Variants in DNAH8 observed in about 807,000 individuals in gnomAD.
DNAH8 encodes the protein dynein axonemal heavy chain 8, also known as axonemal beta dynein heavy chain 8.
Under a neutral mutation model 562.1 loss-of-function variants are expected in DNAH8, and 382 were observed. The observed-to-expected ratio is 0.68, with a 90% CI of 0.63 to 0.74. DNAH8 has a LOEUF of 0.74. Among genes scored for constraint, DNAH8 ranks in the 30% least tolerant of loss-of-function variants. The probability of loss-of-function intolerance (pLI) is 0.00; values close to 1 mark genes in which losing one functional copy is unlikely to be tolerated. For synonymous variants in DNAH8, 1,881 were observed against 1,919.4 expected (o/e 0.98, Z 0.52); for missense variants, 5,203 against 5,620.4 (o/e 0.93, Z 2.37).
chr6:38,734,495 G>C lies in DNAH8; in HGVS notation c.632G>C (p.Gly211Ala). 6.2e-7 allele frequency: 1 copy of C among 1,613,760 alleles called. No homozygotes were observed. Among genetic ancestry groups the C allele is most frequent in the African/African-American group, 1.3e-5 (1 of 74,988 alleles). Residue 211 changes from glycine (G) to alanine (A), a missense_variant, in exon 5 of 93, where the codon GGA becomes GCA. Physicochemically the swap from Gly to Ala is moderately conservative, Grantham distance 60. Coordinates refer to ENST00000327475, the MANE Select transcript of DNAH8 (RefSeq NM_001206927.2). The part of the protein sequence containing the change: ...PGIECGRTIA[G>A]ATKGAKMMKL... The stretch of plus-strand genomic sequence containing the variant: ...TCAGAATGTGGTCGAACTATTGCTG[G>C]AGCAACTAAAGGGGCAAAAATGATG...
intron 91 of DNAH8, among the ~76,000 whole-genome samples, chr6:39,015,403 C>G (rs1178072228): frequency 6.6e-6 from 1 of 152,212 alleles, no homozygotes; most frequent in East Asian, 1.9e-4. Context: ...TGGTTTGGCT[C>G]TGCGTCCCCA....
chr6:38,734,482 C>A lies in DNAH8; in HGVS notation c.619C>A (p.Arg207=). ...TTGACTTTTGTTTTCAGAATGTGGT[C>A]GAACTATTGCTGGAGCAACTAAAGG... ...EGDVPGIECG[R]TIAGATKGAK... Residue 207 remains arginine, a synonymous_variant, in exon 5 of 93, where the codon CGA becomes AGA. Coordinates refer to ENST00000327475, the MANE Select transcript of DNAH8 (RefSeq NM_001206927.2). 1 of 1,613,414 alleles carries A rather than the reference C, an allele frequency of 6.2e-7. No homozygotes were observed. The highest frequency in any genetic ancestry group is 1.1e-5 in the South Asian group (1 of 90,942).
rs1651367113 is a variant in DNAH8, at chr6:39,014,816, C to T, written c.13714+2179C>T. Among the ~76,000 whole-genome samples, 4 of 152,082 alleles carry T rather than the reference C, an allele frequency of 2.6e-5. No homozygotes were observed. The South Asian group carries it at 8.3e-4, about 32-fold the overall frequency. On this transcript the variant is annotated intron_variant, in intron 91 of 92. Coordinates refer to ENST00000327475, the MANE Select transcript of DNAH8 (RefSeq NM_001206927.2). ...GGAATGAGGCTGGAGTATGAAAAAT[C>T]TTCCGGGGCCTCAGGGGTTGGGGCT...
At chr6:38,797,488 C>T (rs1286040199) in intron 21 of DNAH8, among the ~76,000 whole-genome samples, 1 of 152,152 alleles carries the variant, frequency 6.6e-6, no homozygotes, top group Non-Finnish European at 1.5e-5. Flanking sequence ...CTGTAAGCTT[C>T]CCTGTGTCCT....
At position 38,722,863 on chromosome 6, in the gene DNAH8, C is replaced by T; in HGVS notation, c.54C>T (p.Pro18=). Residue 18 remains proline (P), a synonymous_variant, in exon 2 of 93, where the codon CCC becomes CCT. Transcript: ENST00000327475. ...GAPSEGAEAP[P]STEEAAPPRS... is the part of the protein sequence containing the mutation. ...CTTCTGAGGGAGCAGAGGCTCCTCC[C>T]TCTACGGAAGAGGCTGCCCCTCCCC... 6.2e-7 allele frequency: 1 copy of T among 1,611,728 alleles called. No homozygotes were observed. The highest frequency in any genetic ancestry group is 8.5e-7 in the Non-Finnish European group (1 of 1,179,408).
chr6:38,906,094 A>G (rs184557167), intron 62 of DNAH8, among the ~76,000 whole-genome samples, 160 bp from the exon 63 acceptor site: 62 of 151,778 alleles, frequency 4.1e-4, no homozygotes, highest in Middle Eastern at 3.4e-3. Flanking sequence ...TTTTTAGTAG[A>G]GATGGGGTTT....
At chr6:38,731,760 G>A (rs1763668828) in intron 4 of DNAH8, among the ~76,000 whole-genome samples, 1 of 152,170 alleles carries the variant, frequency 6.6e-6, no homozygotes, top group South Asian at 2.1e-4. Context: ...TGTCACCCAG[G>A]CTGGAGTGCA....
At chr6:38,922,567 A>C (rs1781796049) in intron 71 of DNAH8, among the ~76,000 whole-genome samples, 1 of 152,196 alleles carries the variant, frequency 6.6e-6, no homozygotes, top group Non-Finnish European at 1.5e-5. Context: ...AATTTTTAAT[A>C]AAGGCTGTGT....
intron 10 of DNAH8, among the ~76,000 whole-genome samples, chr6:38,759,148 A>T (rs535322854): frequency 3.4e-4 from 51 of 152,126 alleles, no homozygotes; most frequent in African/African-American, 1.0e-3. Flanking sequence ...ACAAAAAAAA[A>T]TTTTTTTAAG....
intron 3 of DNAH8, among the ~76,000 whole-genome samples, chr6:38,727,812 T>A (rs1258719354): frequency 1.3e-5 from 2 of 152,158 alleles, no homozygotes; most frequent in Non-Finnish European, 2.9e-5. Context: ...CATTCAGCAC[T>A]GCTCAAGATA....
Position 38,908,244 on chromosome 6 carries a change from C to T in DNAH8, c.9513+124C>T, listed in dbSNP as rs1435822125. 9.3e-6 allele frequency: 5 copies of T among 537,288 alleles called. No homozygotes were observed. In the African/African-American group the frequency reaches 9.8e-5, roughly 11 times the overall value. 33.3% of individuals were successfully genotyped at this position (537,288 alleles called of 1,614,324 possible). ...TATTTTTACATTGAATTAAAATTAA[C>T]ACTTTTGTACCACACAATCTCCATT... On this transcript the variant is annotated intron_variant, in intron 64 of 92. Coordinates refer to ENST00000327475, the MANE Select transcript of DNAH8 (RefSeq NM_001206927.2).
chr6:38,988,307 G>T (rs1007711511), intron 87 of DNAH8, among the ~76,000 whole-genome samples: 4 of 152,116 alleles, frequency 2.6e-5, no homozygotes, highest in Non-Finnish European at 5.9e-5. Flanking sequence ...CTCCAAATTT[G>T]GTGAAACTCA....
intron 60 of DNAH8, 105 bp from the exon 61 acceptor site, chr6:38,898,153 A>C (rs1779825353): frequency 9.8e-7 from 1 of 1,020,908 alleles, no homozygotes; most frequent in East Asian, 2.8e-5. Flanking sequence ...CGTTTAAAAA[A>C]AGATATGTAT....
At chr6:38,883,478 A>G in intron 55 of DNAH8, 22 bp downstream of exon 55, 1 of 1,601,142 alleles carries the variant, frequency 6.2e-7, no homozygotes, top group Non-Finnish European at 8.5e-7. Flanking sequence ...CATTTGCTGT[A>G]ATATTATAAA....
Position 38,906,347 on chromosome 6 carries a change from C to G in DNAH8, c.9288C>G (p.Asp3096Glu). The G allele has an allele frequency of 6.2e-7, 1 of 1,609,972 alleles. No individual in the cohort carries two copies. Among genetic ancestry groups the G allele is most frequent in the East Asian group, 2.2e-5 (1 of 44,802 alleles). ...DGKGITFIFT[D>E]SEIKDEAFLE... Reference sequence around the variant, plus strand: ...AAGGCATCACTTTCATCTTTACTGACAGTGAAATAAAAGATGAGGCATTTC... The same window carrying G: ...AAGGCATCACTTTCATCTTTACTGAGAGTGAAATAAAAGATGAGGCATTTC... The change falls in exon 63 of 93, where the codon GAC becomes GAG. Residue 3096 changes from aspartate (D) to glutamate (E), a missense_variant. Around this residue, in one of 6 missense-constraint regions of DNAH8, gnomAD observed 977 missense variants for 1,061.8 expected, o/e 0.92. Transcript: ENST00000327475.
chr6:38,779,982 A>C lies in DNAH8; in HGVS notation c.2056A>C (p.Ile686Leu), dbSNP rs376309134. The C allele has an allele frequency of 2.5e-5, 40 of 1,613,908 alleles. No individual in the cohort carries two copies. Among genetic ancestry groups the C allele is most frequent in the Non-Finnish European group, 3.1e-5 (37 of 1,179,972 alleles). Residue 686 changes from isoleucine (I) to leucine (L), a missense_variant, in exon 15 of 93, where the codon ATT becomes CTT. By Grantham distance (5) the Ile-to-Leu change is conservative. This residue lies in a region of DNAH8 where 2,176 missense variants were observed against 2,365.1 expected (regional missense o/e 0.92). Transcript: ENST00000327475. ...QLLQRFQKLN[I>L]PCLGLEINHT... Reference sequence around the variant, plus strand: ...TACTTTTAGGTTTCAGAAGCTGAACATTCCCTGTCTGGGATTAGAAATAAA... The same window carrying C: ...TACTTTTAGGTTTCAGAAGCTGAACCTTCCCTGTCTGGGATTAGAAATAAA...
chr6:38,776,802 C>T lies in DNAH8; in HGVS notation c.1962+851C>T, dbSNP rs373858104. On this transcript the variant is annotated intron_variant, in intron 13 of 92. Coordinates refer to ENST00000327475, the MANE Select transcript of DNAH8 (RefSeq NM_001206927.2). ...AGATGAGACTGTAAGATGTTTTTCT[C>T]TCACCTTTTGGGCTATATGACCTCA... Among the ~76,000 whole-genome samples, 30 of 152,294 alleles carry T rather than the reference C, an allele frequency of 2.0e-4. No individual in the cohort carries two copies. The South Asian group carries it at 6.2e-3, about 32-fold the overall frequency.
Position 38,929,573 on chromosome 6 carries a change from A to T in DNAH8, c.11181A>T (p.Arg3727=). ...TGGAGGACAGCCTTTCCTTGGGCCGACCCCTTCTCATTGAGGACATTCATG... is the reference window on the plus strand; with the variant it reads ...TGGAGGACAGCCTTTCCTTGGGCCGTCCCCTTCTCATTGAGGACATTCATG... ...THLEDSLSLG[R]PLLIEDIHEE... The change falls in exon 75 of 93, where the codon CGA becomes CGT. Residue 3727 remains arginine, a synonymous_variant. Transcript: ENST00000327475. 2 of 1,612,914 alleles carry T rather than the reference A, an allele frequency of 1.2e-6. No individual in the cohort carries two copies. The highest frequency in any genetic ancestry group is 1.7e-6 in the Non-Finnish European group (2 of 1,179,496).
At chr6:39,010,846 T>C (rs950051015) in intron 89 of DNAH8, among the ~76,000 whole-genome samples, 1 of 143,950 alleles carries the variant, frequency 6.9e-6, no homozygotes, top group Non-Finnish European at 1.5e-5. Flanking sequence ...TGTATGTATG[T>C]ATGTATGTAT....
Sources: allele counts gnomAD v4.1 joint callset (sites outside exome capture counted in the v4.1 genomes callset), GRCh38; gene constraint gnomAD v4.1.1; regional missense constraint gnomAD v4.1.1; transcripts MANE v1.5; gene names NCBI Gene and HGNC (gene_info 2026-07-23, HGNC 2026-07-21).